The following XKR5 variants were observed in gnomAD, a reference collection of about 807,000 sequenced individuals.
The protein encoded by XKR5 is XK related 5.
A neutral mutation model predicts 40.8 loss-of-function variants in XKR5; 46 were observed. That is an observed-to-expected ratio of 1.13 (90% confidence interval 0.89 to 1.44). The LOEUF (loss-of-function observed/expected upper bound fraction) is 1.44, where lower values mean the gene tolerates loss of function less well. Among genes scored for constraint, XKR5 ranks in the 40% most tolerant of loss-of-function variants. XKR5 has a pLI of 0.00. For missense variants in XKR5, 1,169 were observed against 844.7 expected, an observed-to-expected ratio of 1.38 and a Z score of -4.76; for synonymous variants, 466 against 356.1, an observed-to-expected ratio of 1.31 and a Z score of -3.48.
chr8:6,814,244 T>G (rs1356848107), intron 6 of XKR5, among the ~76,000 whole-genome samples: 3 of 152,150 alleles, frequency 2.0e-5, no homozygotes, highest in African/African-American at 7.2e-5. Flanking sequence ...ATGAACCAGA[T>G]GCCCGTCCAT....
chr8:6,834,712 C>A (rs566799533), intron 1 of XKR5, among the ~76,000 whole-genome samples: 2 of 152,308 alleles, frequency 1.3e-5, no homozygotes, highest in Admixed American at 1.3e-4. Context: ...AAAGCTTCCG[C>A]AGGGAGCCCG....
chr8:6,829,221 A>G (rs371851304), intron 2 of XKR5: 212 of 169,400 alleles, frequency 1.3e-3, no homozygotes, highest in African/African-American at 4.8e-3. Context: ...TTCACTAAAG[A>G]AAAATTGCTA....
In XKR5 at chr8:6,830,708, C is replaced by T. The variant is rs1804728021; in HGVS notation, c.242+2009G>A. Among the ~76,000 whole-genome samples the T allele has an allele frequency of 3.9e-5, 6 of 152,272 alleles. 1 individual carries two copies. In the South Asian group the frequency reaches 1.0e-3, roughly 26 times the overall value. On this transcript the variant is annotated intron_variant, in intron 2 of 6. Transcript: ENST00000618742. ...TCAAAACAAGAATAAATATATATGA[C>T]TAATGGTTTTTCCTAATTTATAATT...
Position 6,811,562 on chromosome 8 carries a change from G to C in XKR5, c.1697C>G (p.Ala566Gly), listed in dbSNP as rs766699894. The change falls in exon 7 of 7, where the codon GCC becomes GGC. Residue 566 changes from alanine to glycine, a missense_variant. Transcript: ENST00000618742. ...QEGSPATLQT[A>G]HSGRRLGKSS... ...CTTTCCCAGCCTCCTTCCAGAGTGG[G>C]CCGTTTGCAGAGTAGCTGGGCTGCC... 14 of 1,536,770 alleles carry C rather than the reference G, an allele frequency of 9.1e-6. No individual in the cohort carries two copies. The East Asian group carries it at 3.4e-4, about 38-fold the overall frequency.
chr8:6,834,262 C>T (rs1013421677), intron 1 of XKR5, among the ~76,000 whole-genome samples: 1 of 152,222 alleles, frequency 6.6e-6, no homozygotes, highest in Admixed American at 6.5e-5. Context: ...TGAACACAAG[C>T]CGCGGATTTT....
At chr8:6,819,420 G>T (rs576098497) in intron 5 of XKR5, among the ~76,000 whole-genome samples, 10 of 152,236 alleles carry the variant, frequency 6.6e-5, no homozygotes, top group Non-Finnish European at 1.5e-4. Context: ...CAAGATCACA[G>T]TCTGGGCATT....
intron 2 of XKR5, among the ~76,000 whole-genome samples, chr8:6,831,001 G>A (rs988849968): frequency 6.6e-6 from 1 of 152,136 alleles, no homozygotes; most frequent in Non-Finnish European, 1.5e-5. Flanking sequence ...TTGTCTAACC[G>A]TTCATTACCC....
intron 2 of XKR5, among the ~76,000 whole-genome samples, chr8:6,826,880 G>A (rs892613932): frequency 5.3e-4 from 80 of 152,338 alleles, no homozygotes; most frequent in African/African-American, 1.9e-3. Flanking sequence ...ACAGGATGGG[G>A]TGGCCCAGGG....
intron 4 of XKR5, 93 bp downstream of exon 4, chr8:6,823,428 G>C (rs1804326410): frequency 9.5e-6 from 13 of 1,364,800 alleles, no homozygotes; most frequent in Non-Finnish European, 1.3e-5. Flanking sequence ...TCAGGCCTGG[G>C]ATTGAGGATC....
intron 2 of XKR5, among the ~76,000 whole-genome samples, chr8:6,826,578 C>T (rs537139605): frequency 1.2e-4 from 19 of 152,160 alleles, no homozygotes; most frequent in African/African-American, 3.6e-4. Flanking sequence ...GTGGTGCTAC[C>T]GACGGAAATA....
chr8:6,815,682 G>A, intron 6 of XKR5, 125 bp downstream of exon 6: 1 of 650,276 alleles, frequency 1.5e-6, no homozygotes, highest in Non-Finnish European at 2.7e-6. Flanking sequence ...ACATCGCAGT[G>A]AGCCTGGTTC....
intron 3 of XKR5, among the ~76,000 whole-genome samples, chr8:6,824,851 G>C (rs984806220): frequency 2.5e-4 from 38 of 152,182 alleles, no homozygotes; most frequent in African/African-American, 9.2e-4. Context: ...AAAGACACAA[G>C]AAAAACATGT....
rs1803679950 is a variant in XKR5 at position 6,811,433 on chromosome 8, C to T, written c.1826G>A (p.Gly609Asp). The T allele has an allele frequency of 6.5e-7, 1 of 1,536,810 alleles. No individual in the cohort carries two copies. Among genetic ancestry groups the T allele is most frequent in the African/African-American group, 1.4e-5 (1 of 73,158 alleles). ...AGGGAAGCCTGCACTGGGGCAGAAG[C>T]CTCTACATGGGCCTGTGCCTAGGAT... is the stretch of plus-strand genomic sequence containing the variant. ...SPILGTGPCR[G>D]FCPSAGFPGR... The change falls in exon 7 of 7, where the codon GGC (glycine) becomes GAC (aspartate). Residue 609 changes from glycine to aspartate, a missense_variant. By Grantham distance (94) the Gly-to-Asp change is moderately conservative (BLOSUM62 -1). Coordinates refer to ENST00000618742, the MANE Select transcript of XKR5 (RefSeq NM_207411.5).
At chr8:6,834,588 C>G (rs551077600) in intron 1 of XKR5, among the ~76,000 whole-genome samples, 1 of 152,190 alleles carries the variant, frequency 6.6e-6, no homozygotes, top group Admixed American at 6.5e-5. Flanking sequence ...GCGTCCTGCT[C>G]GGCGCGCCTC....
intron 5 of XKR5, among the ~76,000 whole-genome samples, chr8:6,817,741 G>C (rs1282028127): frequency 6.6e-6 from 1 of 152,196 alleles, no homozygotes; most frequent in East Asian, 1.9e-4. Context: ...TGCGCTCTGA[G>C]ATATACATCC....
intron 5 of XKR5, among the ~76,000 whole-genome samples, chr8:6,819,314 A>C (rs980120542): frequency 6.6e-6 from 1 of 152,202 alleles, no homozygotes; most frequent in Non-Finnish European, 1.5e-5. Flanking sequence ...CGCAGAAGGT[A>C]ATGCTTTCGG....
intron 2 of XKR5, among the ~76,000 whole-genome samples, chr8:6,827,894 C>T (rs1398322990): frequency 2.0e-5 from 3 of 151,960 alleles, no homozygotes; most frequent in Non-Finnish European, 2.9e-5. Context: ...AATGAGACTC[C>T]ATGTCTACAA....
chr8:6,814,522 T>C (rs144802681), intron 6 of XKR5, among the ~76,000 whole-genome samples: 2,124 of 152,232 alleles, frequency 0.014, 19 homozygotes, highest in Non-Finnish European at 0.021. Context: ...CTCGTGGTGA[T>C]GGAAGGGTTC....
Position 6,815,881 on chromosome 8 carries a change from G to A in XKR5, c.845C>T (p.Ala282Val), listed in dbSNP as rs749966529. 8.1e-6 allele frequency: 13 copies of A among 1,604,144 alleles called. No individual in the cohort carries two copies. Among genetic ancestry groups the A allele is most frequent in the Non-Finnish European group, 1.0e-5 (12 of 1,175,532 alleles). Reference sequence around the variant, plus strand: ...CGATGCCCCCTGGAGAAAGTCGGTGGCCAACAGCAACAGGATGATGTTCTC... The same window carrying A: ...CGATGCCCCCTGGAGAAAGTCGGTGACCAACAGCAACAGGATGATGTTCTC... The part of the protein sequence containing the change: ...LLENIILLLL[A>V]TDFLQGASWT... Residue 282 changes from alanine (A) to valine (V), a missense_variant, in exon 6 of 7, where the codon GCC becomes GTC. Physicochemically the swap from Ala to Val is moderately conservative, Grantham distance 64 (BLOSUM62 0). Transcript: ENST00000618742.
Sources: gnomAD v4.1 joint callset for allele counts (sites outside exome capture counted in the v4.1 genomes callset) on GRCh38, gnomAD v4.1.1 for gene constraint, MANE v1.5 for transcripts, NCBI Gene and HGNC (gene_info 2026-07-23, HGNC 2026-07-21) for gene names.